The following CASQ2 variants were observed in gnomAD, a reference collection of about 807,000 sequenced individuals.
CASQ2 encodes calsequestrin-2.
Under a neutral mutation model 46.5 loss-of-function variants are expected in CASQ2, and 49 were observed. The observed-to-expected ratio is 1.05, with a 90% CI of 0.84 to 1.34. The LOEUF is 1.34. CASQ2 is among the 40% of genes most tolerant of loss of function. The pLI, the probability that CASQ2 is intolerant of heterozygous loss-of-function variation, is 0.00. For missense variants in CASQ2, 486 were observed against 481.3 expected, an observed-to-expected ratio of 1.01 and a Z score of -0.09; for synonymous variants, 174 against 168.5, an observed-to-expected ratio of 1.03 and a Z score of -0.25.
rs1648846590 is a variant in CASQ2 at position 115,758,858 on chromosome 1, T to A, written c.234+9450A>T. 3.3e-5 allele frequency among the ~76,000 whole-genome samples: 5 copies of A among 152,226 alleles called. No homozygotes were observed. The South Asian group carries it at 1.0e-3, about 31-fold the overall frequency. On this transcript the variant is annotated intron_variant, in intron 1 of 10. Transcript: ENST00000261448. ...TCTTCAACTTTTTCAGACATCAGAA[T>A]TGTGAGCCAAATAAACCTTTTATTC...
intron 8 of CASQ2, among the ~76,000 whole-genome samples, chr1:115,711,310 G>C (rs1398464992): frequency 6.6e-6 from 1 of 152,188 alleles, no homozygotes; most frequent in African/African-American, 2.4e-5. Flanking sequence ...AACGGCCGGG[G>C]CTGGAACCAC....
At chr1:115,718,349 T>C (rs2101069366) in intron 7 of CASQ2, among the ~76,000 whole-genome samples, 1 of 152,120 alleles carries the variant, frequency 6.6e-6, no homozygotes, top group African/African-American at 2.4e-5. Flanking sequence ...GCAGATAGAG[T>C]CAGTGATACA....
intron 1 of CASQ2, among the ~76,000 whole-genome samples, chr1:115,748,081 G>C (rs1168445997): frequency 6.6e-6 from 1 of 151,932 alleles, no homozygotes; most frequent in African/African-American, 2.4e-5. Flanking sequence ...ATCAGTTTTT[G>C]CTTTTTGTAC....
intron 4 of CASQ2, among the ~76,000 whole-genome samples, chr1:115,736,372 C>G (rs1232927308): frequency 6.6e-6 from 1 of 151,954 alleles, no homozygotes; most frequent in Non-Finnish European, 1.5e-5. Context: ...CACAGTGGCT[C>G]ATGCCTGTAA....
At chr1:115,710,834 C>T (rs879803561) in intron 8 of CASQ2, among the ~76,000 whole-genome samples, 12 of 152,198 alleles carry the variant, frequency 7.9e-5, no homozygotes, top group Non-Finnish European at 1.5e-4. Flanking sequence ...AAGGGATGCA[C>T]GTTGAACCAG....
chr1:115,761,620 A>C (rs2101122715), intron 1 of CASQ2, among the ~76,000 whole-genome samples: 1 of 151,254 alleles, frequency 6.6e-6, no homozygotes, highest in Non-Finnish European at 1.5e-5. Flanking sequence ...GCTAAAGTTT[A>C]CTTTTTATTG....
chr1:115,756,872 G>A (rs867546063), intron 1 of CASQ2, among the ~76,000 whole-genome samples: 10 of 152,156 alleles, frequency 6.6e-5, no homozygotes, highest in African/African-American at 2.4e-4. Flanking sequence ...GCTTGAACCC[G>A]GGAGGCAGAG....
chr1:115,711,537 T>C (rs561322573), intron 8 of CASQ2, among the ~76,000 whole-genome samples: 5 of 151,748 alleles, frequency 3.3e-5, no homozygotes, highest in Admixed American at 3.3e-4. Flanking sequence ...ATAAAGACTT[T>C]GTCTGTCTTC....
intron 3 of CASQ2, among the ~76,000 whole-genome samples, chr1:115,739,503 TG>T (rs1186848527): frequency 6.6e-6 from 1 of 152,206 alleles, no homozygotes; most frequent in African/African-American, 2.4e-5. Context: ...GATTCAGGAA[TG>T]GGCAAGTAAC....
chr1:115,713,116 C>T (rs1178911740), intron 8 of CASQ2, among the ~76,000 whole-genome samples: 1 of 152,060 alleles, frequency 6.6e-6, no homozygotes, highest in East Asian at 1.9e-4. Context: ...CTAATATTCC[C>T]AGTGCCCTTT....
intron 1 of CASQ2, among the ~76,000 whole-genome samples, chr1:115,746,987 A>G (rs997196518): frequency 6.6e-5 from 10 of 152,138 alleles, no homozygotes; most frequent in African/African-American, 2.2e-4. Flanking sequence ...AAAATTGTCA[A>G]TTTTGATGAA....
In CASQ2 at chr1:115,740,747, A is replaced by C; in HGVS notation, c.401T>G (p.Leu134Trp). 1 of 1,611,438 alleles carries C rather than the reference A, an allele frequency of 6.2e-7. No individual in the cohort carries two copies. The highest frequency in any genetic ancestry group is 8.5e-7 in the Non-Finnish European group (1 of 1,177,626). Residue 134 changes from leucine to tryptophan, a missense_variant, in exon 3 of 11, where the codon TTG becomes TGG. Leu to Trp is a moderately conservative substitution (Grantham distance 61). Coordinates refer to ENST00000261448, the MANE Select transcript of CASQ2 (RefSeq NM_001232.4). ...ACTTACATCCAAGAGGAACTCCACC[A>C]AGACATCAGCTGCAAACTCGCCATC... ...EFDGEFAADV[L>W]VEFLLDLIED...
chr1:115,765,893 G>C (rs774348117), intron 1 of CASQ2, among the ~76,000 whole-genome samples: 5 of 152,324 alleles, frequency 3.3e-5, no homozygotes, highest in Non-Finnish European at 7.4e-5. Flanking sequence ...CTTAGTGCAA[G>C]TGTGGGGTCT....
intron 3 of CASQ2, among the ~76,000 whole-genome samples, chr1:115,739,652 A>C (rs543598020): frequency 6.6e-6 from 1 of 152,346 alleles, no homozygotes; most frequent in African/African-American, 2.4e-5. Context: ...ACTGCTGGCC[A>C]TCTTATAGCT....
At chr1:115,727,247 C>T (rs1367049498) in intron 5 of CASQ2, 125 bp from the exon 6 acceptor site, 7 of 748,288 alleles carry the variant, frequency 9.4e-6, no homozygotes, top group Non-Finnish European at 1.6e-5. Context: ...ACAGTTTTAA[C>T]TTCAATGTTG....
At chr1:115,713,291 T>A (rs985619192) in intron 8 of CASQ2, among the ~76,000 whole-genome samples, 1 of 152,192 alleles carries the variant, frequency 6.6e-6, no homozygotes, top group Admixed American at 6.5e-5. Flanking sequence ...GCGGGCACTT[T>A]GAGCGCAGGA....
intron 1 of CASQ2, among the ~76,000 whole-genome samples, chr1:115,754,296 G>A (rs1219384124): frequency 6.6e-6 from 1 of 152,180 alleles, no homozygotes; most frequent in Non-Finnish European, 1.5e-5. Context: ...GCCTCTGAAA[G>A]AGCCTTCGGG....
At chr1:115,723,335 A>G (rs1410254316) in intron 7 of CASQ2, among the ~76,000 whole-genome samples, 1 of 151,598 alleles carries the variant, frequency 6.6e-6, no homozygotes, top group African/African-American at 2.4e-5. Context: ...CTATCTATCT[A>G]TCATCTATCT....
At chr1:115,736,643 A>C (rs1405891548) in intron 4 of CASQ2, among the ~76,000 whole-genome samples, 2 of 152,198 alleles carry the variant, frequency 1.3e-5, no homozygotes. Flanking sequence ...TCTCAAAAAA[A>C]AGCTATATTC....
Sources: gnomAD v4.1 joint callset for allele counts (sites outside exome capture counted in the v4.1 genomes callset) on GRCh38, gnomAD v4.1.1 for gene constraint, MANE v1.5 for transcripts, NCBI Gene and HGNC (gene_info 2026-07-23, HGNC 2026-07-21) for gene names.